Variants in GAP43 observed in about 807,000 individuals in gnomAD.
GAP43 encodes growth associated protein 43, also known as neuromodulin.
GAP43 carries 6 observed loss-of-function variants against 18.6 expected under a neutral mutation model. That is an observed-to-expected ratio of 0.32 (90% CI 0.18 to 0.64). The LOEUF is 0.64. Ranked by LOEUF, GAP43 falls within the 30% of genes least tolerant of loss-of-function variation. The pLI is 0.78. For missense variants in GAP43, 292 were observed against 295.5 expected (o/e 0.99, Z 0.09); for synonymous variants, 115 against 111.4 (o/e 1.03, Z -0.20).
intron 2 of GAP43, among the ~76,000 whole-genome samples, chr3:115,692,255 A>G (rs946679751): frequency 2.0e-5 from 3 of 152,334 alleles, no homozygotes; most frequent in East Asian, 1.9e-4. Flanking sequence ...TGGTCTGGCC[A>G]TGGTCCCACA....
At chr3:115,667,421 G>C (rs575404450) in intron 1 of GAP43, among the ~76,000 whole-genome samples, 2 of 152,304 alleles carry the variant, frequency 1.3e-5, no homozygotes, top group East Asian at 3.9e-4. Context: ...GACTCAGACT[G>C]TAACTTATGA....
At chr3:115,708,750 G>A (rs772004474) in intron 2 of GAP43, among the ~76,000 whole-genome samples, 1 of 152,090 alleles carries the variant, frequency 6.6e-6, no homozygotes, top group Admixed American at 6.6e-5. Flanking sequence ...TGGCAGGTGG[G>A]GCTGTTAGCA....
At chr3:115,635,106 A>G (rs944176573) in intron 1 of GAP43, among the ~76,000 whole-genome samples, 3 of 151,318 alleles carry the variant, frequency 2.0e-5, no homozygotes, top group Non-Finnish European at 4.4e-5. Context: ...TTCAAACGTC[A>G]TTTTTTTTTC....
chr3:115,705,680 A>G (rs1709353372), intron 2 of GAP43, among the ~76,000 whole-genome samples: 1 of 152,204 alleles, frequency 6.6e-6, no homozygotes, highest in Non-Finnish European at 1.5e-5. Flanking sequence ...CTAAGCAATC[A>G]TTCAATGAAT....
chr3:115,681,209 C>T (rs1284277109), intron 2 of GAP43, among the ~76,000 whole-genome samples: 4 of 152,102 alleles, frequency 2.6e-5, no homozygotes, highest in Non-Finnish European at 4.4e-5. Flanking sequence ...TTGACAACAG[C>T]CCAATGTCAT....
intron 1 of GAP43, among the ~76,000 whole-genome samples, chr3:115,667,452 A>T (rs1402822337): frequency 6.6e-6 from 1 of 152,246 alleles, no homozygotes; most frequent in Non-Finnish European, 1.5e-5. Flanking sequence ...ATTAAGAAAA[A>T]ATAGATGAAC....
chr3:115,633,480 G>T (rs182609329), intron 1 of GAP43, among the ~76,000 whole-genome samples: 1 of 152,116 alleles, frequency 6.6e-6, no homozygotes, highest in South Asian at 2.1e-4. Context: ...TTAGCTACCC[G>T]AGTCAGAAGG....
At chr3:115,627,406 C>T (rs994728917) in intron 1 of GAP43, among the ~76,000 whole-genome samples, 1 of 151,364 alleles carries the variant, frequency 6.6e-6, no homozygotes, top group African/African-American at 2.4e-5. Context: ...ACAGAAACCT[C>T]CTTTGATGTT....
chr3:115,692,175 A>G (rs769314437), intron 2 of GAP43, among the ~76,000 whole-genome samples: 2 of 152,316 alleles, frequency 1.3e-5, no homozygotes, highest in Non-Finnish European at 2.9e-5. Flanking sequence ...ATGCTTGAAC[A>G]ATCTCCAGGA....
At chr3:115,677,689 C>G (rs538073353) in intron 2 of GAP43, among the ~76,000 whole-genome samples, 1 of 152,166 alleles carries the variant, frequency 6.6e-6, no homozygotes, top group Non-Finnish European at 1.5e-5. Context: ...CCTTTAGAAG[C>G]GCCTCGGTTT....
At chr3:115,720,644 A>G (rs1709565183) in intron 2 of GAP43, 150 bp from the exon 3 acceptor site, 1 of 534,756 alleles carries the variant, frequency 1.9e-6, no homozygotes, top group East Asian at 3.4e-5. Flanking sequence ...TGTAACCTAC[A>G]TTAACTGGGA....
chr3:115,662,185 G>A (rs4831198), intron 1 of GAP43, among the ~76,000 whole-genome samples: 110,361 of 151,996 alleles, frequency 0.73, 40,228 homozygotes, highest in Admixed American at 0.8. Flanking sequence ...TCTAGGTAGA[G>A]TTTCTGACAT....
chr3:115,680,985 C>A (rs772024469), intron 2 of GAP43, among the ~76,000 whole-genome samples: 2 of 152,090 alleles, frequency 1.3e-5, no homozygotes, highest in Non-Finnish European at 2.9e-5. Context: ...GCCTCGTGAG[C>A]GGCTTTGATT....
At chr3:115,683,431 G>T (rs912891987) in intron 2 of GAP43, among the ~76,000 whole-genome samples, 2 of 152,060 alleles carry the variant, frequency 1.3e-5, no homozygotes, top group African/African-American at 2.4e-5. Context: ...CTCAGTAGAG[G>T]TTTCTAATCC....
chr3:115,647,758 C>CAA (rs111391501), intron 1 of GAP43, among the ~76,000 whole-genome samples: 24,843 of 131,904 alleles, frequency 0.19, 2,557 homozygotes, highest in East Asian at 0.4. Context: ...AACAAAAAAA[C>CAA]AAAAAAAAAA....
At chr3:115,667,072 C>T (rs1408230361) in intron 1 of GAP43, among the ~76,000 whole-genome samples, 2 of 152,146 alleles carry the variant, frequency 1.3e-5, no homozygotes, top group African/African-American at 4.8e-5. Flanking sequence ...AGAGTTTACA[C>T]ACTCTCTGAG....
intron 1 of GAP43, among the ~76,000 whole-genome samples, chr3:115,667,773 T>C (rs898821275): frequency 6.6e-6 from 1 of 152,212 alleles, no homozygotes; most frequent in Non-Finnish European, 1.5e-5. Flanking sequence ...ATTGGCTTCC[T>C]GCAGCTCTTC....
rs187462750 is a variant in GAP43 at position 115,710,858 on chromosome 3, T to C, written c.629-9936T>C. Among the ~76,000 whole-genome samples the C allele has an allele frequency of 2.8e-4, 43 of 152,292 alleles. No homozygotes were observed. The East Asian group carries it at 7.5e-3, about 27-fold the overall frequency. On this transcript the variant is annotated intron_variant, in intron 2 of 2. Transcript: ENST00000305124. ...AACATAGCCTATTTTTTTTCCTTCT[T>C]TTCCGTTTTTATGTTTGGTAAGATA...
At position 115,657,844 on chromosome 3, in the gene GAP43, C is replaced by T. The variant is rs541389552; in HGVS notation, c.31-18169C>T. 1.8e-3 allele frequency among the ~76,000 whole-genome samples: 280 copies of T among 152,194 alleles called. 1 individual carries two copies. Among genetic ancestry groups the T allele is most frequent in the African/African-American group, 5.9e-3 (247 of 41,522 alleles). On this transcript the variant is annotated intron_variant, in intron 1 of 2. Transcript: ENST00000305124. ...AAGTTCTGGGATTACAGACGTGAGC[C>T]GCCGTACCCAGCCAAAAATGTTTAT...
Sources: allele counts gnomAD v4.1 joint callset (sites outside exome capture counted in the v4.1 genomes callset), GRCh38; gene constraint gnomAD v4.1.1; transcripts MANE v1.5; gene names NCBI Gene and HGNC (gene_info 2026-07-23, HGNC 2026-07-21).